PPP6R1: variants seen among roughly 807,000 people sequenced by gnomAD.
PPP6R1 encodes the protein protein phosphatase 6 regulatory subunit 1.
In PPP6R1, 39 loss-of-function variants were observed where a neutral mutation model predicts 104.6. The ratio of observed to expected loss-of-function variants is 0.37; its 90% CI spans 0.29 to 0.49. PPP6R1 has a LOEUF of 0.49. PPP6R1 is among the 20% of genes least tolerant of loss of function. The probability of loss-of-function intolerance (pLI) is 0.98; values close to 1 mark genes in which losing one functional copy is unlikely to be tolerated. For missense variants in PPP6R1, 1,181 were observed against 1,155.8 expected (o/e 1.02, Z -0.32); for synonymous variants, 549 against 479.0 (o/e 1.15, Z -1.91).
intron 1 of PPP6R1, among the ~76,000 whole-genome samples, chr19:55,250,547 G>A (rs1255321262): frequency 6.6e-6 from 1 of 152,152 alleles, no homozygotes; most frequent in African/African-American, 2.4e-5. Context: ...CACCCTGAAG[G>A]GACCTGTCTG....
At chr19:55,232,381 G>C in intron 17 of PPP6R1, 170 bp from the exon 18 acceptor site, 1 of 1,054,804 alleles carries the variant, frequency 9.5e-7, no homozygotes, top group Non-Finnish European at 1.3e-6. Context: ...GGCTGGGAGA[G>C]GGAGTTCTGA....
intron 1 of PPP6R1, among the ~76,000 whole-genome samples, chr19:55,251,116 G>A (rs2087550146): frequency 6.6e-6 from 1 of 152,186 alleles, no homozygotes; most frequent in Admixed American, 6.5e-5. Flanking sequence ...CCTGGCTCAA[G>A]CAGCCCCCAG....
At chr19:55,235,813 C>T (rs192251394) in intron 17 of PPP6R1, among the ~76,000 whole-genome samples, 4 of 151,070 alleles carry the variant, frequency 2.6e-5, no homozygotes, top group Admixed American at 1.3e-4. Flanking sequence ...CCACCGTGCC[C>T]GGCTGATTTT....
intron 1 of PPP6R1, among the ~76,000 whole-genome samples, chr19:55,256,648 C>A (rs2087595664): frequency 6.6e-6 from 1 of 152,202 alleles, no homozygotes; most frequent in Non-Finnish European, 1.5e-5. Context: ...CAGAGCAAGA[C>A]CCAGTCTTTA....
At chr19:55,228,324 C>G, downstream of PPP6R1, 1 of 1,613,836 alleles carries the variant, frequency 6.2e-7, no homozygotes, top group Non-Finnish European at 8.5e-7. Context: ...AGAGGACGGG[C>G]AGGCACTTGA....
At chr19:55,239,244 GAC>G in intron 15 of PPP6R1, 159 bp downstream of exon 15, 2 of 662,798 alleles carry the variant, frequency 3.0e-6, no homozygotes, top group Non-Finnish European at 5.3e-6. Flanking sequence ...CGAGGCTGCA[GAC>G]ACACACACAA....
In PPP6R1 at chr19:55,240,059, C is replaced by A; in HGVS notation, c.1417G>T (p.Ala473Ser). 6.2e-7 allele frequency: 1 copy of A among 1,602,746 alleles called. No homozygotes were observed. The change falls in exon 12 of 24, where the codon GCC (alanine) becomes TCC (serine). Residue 473 changes from alanine (A) to serine (S), a missense_variant. Ala to Ser is a moderately conservative substitution (Grantham distance 99, BLOSUM62 1). Transcript: ENST00000412770. ...CCCTTCTCCGTGTTCTGCACCAGGG[C>A]ACCGGCCACTCTTGTCAGGTGACCC... is the stretch of plus-strand genomic sequence containing the variant. ...YMGHLTRVAG[A>S]LVQNTEKGPN...
intron 23 of PPP6R1, 28 bp downstream of exon 23, chr19:55,230,585 C>A: frequency 1.2e-6 from 2 of 1,613,062 alleles, no homozygotes; most frequent in Non-Finnish European, 1.7e-6. Context: ...GCCCCACCTA[C>A]CCAGCCCGAG....
intron 15 of PPP6R1, among the ~76,000 whole-genome samples, chr19:55,237,241 C>A (rs1312697388): frequency 6.6e-6 from 1 of 152,078 alleles, no homozygotes; most frequent in East Asian, 1.9e-4. Context: ...AAATGGGGCT[C>A]GGAAATGTTA....
In PPP6R1 at chr19:55,241,946, T is replaced by G. The variant is rs1012694690; in HGVS notation, c.845+220A>C. ...GCCTGGGGTCCCTCCCAACACAAGC[T>G]GCAGCAGTGGCCTCAGCCTCAGTGC... On this transcript the variant is annotated intron_variant, in intron 7 of 23. Coordinates refer to ENST00000412770, the MANE Select transcript of PPP6R1 (RefSeq NM_014931.4). The surrounding 1 kb of genome is among the most constrained non-coding windows in gnomAD (Gnocchi z 5.4). Among the ~76,000 whole-genome samples, 1 of 152,008 alleles carries G rather than the reference T, an allele frequency of 6.6e-6. No individual in the cohort carries two copies. Among genetic ancestry groups the G allele is most frequent in the Non-Finnish European group, 1.5e-5 (1 of 67,972 alleles).
chr19:55,232,043 T>A lies in PPP6R1; in HGVS notation c.2125+32A>T, dbSNP rs560439745. The stretch of plus-strand genomic sequence containing the variant: ...ACTCAGTAGCAGGCAGACAGCCCTG[T>A]GTACACCTGACCACACCGCCCATTC... On this transcript the variant is annotated intron_variant, in intron 18 of 23. Transcript: ENST00000412770. 1.6e-5 allele frequency: 25 copies of A among 1,611,890 alleles called. No homozygotes were observed. In the South Asian group the frequency reaches 2.8e-4, roughly 18 times the overall value.
At chr19:55,250,845 G>C (rs1186521527) in intron 1 of PPP6R1, among the ~76,000 whole-genome samples, 1 of 151,574 alleles carries the variant, frequency 6.6e-6, no homozygotes, top group Non-Finnish European at 1.5e-5. Flanking sequence ...ACACTCGACC[G>C]CAGGCGACCC....
chr19:55,230,637 T>C lies in PPP6R1; in HGVS notation c.2618A>G (p.Glu873Gly), dbSNP rs2087332913. ...PPPIPNGSAP[E>G]GPASPGSQ ...CTGGGAGCCTGGGGATGCAGGCCCTTCCGGGGCAGAGCCATTGGGTATCGG... is the reference window on the plus strand; with the variant it reads ...CTGGGAGCCTGGGGATGCAGGCCCTCCCGGGGCAGAGCCATTGGGTATCGG... The change falls in exon 23 of 24, where the codon GAA (glutamate) becomes GGA (glycine). Residue 873 changes from glutamate to glycine, a missense_variant. Glu to Gly is a moderately conservative substitution (Grantham distance 98, BLOSUM62 -2). Around this residue, in one of 2 missense-constraint regions of PPP6R1, gnomAD observed 1,042 missense variants for 955.6 expected, o/e 1.09. Transcript: ENST00000412770. The C allele has an allele frequency of 6.2e-7, 1 of 1,610,978 alleles. No individual in the cohort carries two copies. Among genetic ancestry groups the C allele is most frequent in the Non-Finnish European group, 8.5e-7 (1 of 1,178,662 alleles).
intron 5 of PPP6R1, among the ~76,000 whole-genome samples, chr19:55,244,534 G>A (rs1352334611): frequency 6.6e-6 from 1 of 152,206 alleles, no homozygotes; most frequent in African/African-American, 2.4e-5. Context: ...GGGTGGGCAG[G>A]GACGGATGTG....
At position 55,239,505 on chromosome 19, in the gene PPP6R1, G is replaced by A. The variant is rs557426498; in HGVS notation, c.1654-3C>T. ...TGCATCTGGAAGTCCATGAAGGCCTGTGGGGGTGCGGAGGTTAGGGCTGGA... is the reference window on the plus strand; with the variant it reads ...TGCATCTGGAAGTCCATGAAGGCCTATGGGGGTGCGGAGGTTAGGGCTGGA... On this transcript the variant is annotated splice_region_variant and splice_polypyrimidine_tract_variant and intron_variant, in intron 14 of 23. Transcript: ENST00000412770. 4.3e-6 allele frequency: 7 copies of A among 1,613,888 alleles called. No individual in the cohort carries two copies. Among genetic ancestry groups the A allele is most frequent in the Admixed American group, 3.3e-5 (2 of 60,008 alleles).
At chr19:55,248,576 C>T (rs1465376069) in intron 1 of PPP6R1, among the ~76,000 whole-genome samples, 1 of 152,224 alleles carries the variant, frequency 6.6e-6, no homozygotes, top group African/African-American at 2.4e-5. Flanking sequence ...AGATGCTAGT[C>T]CCTCTCCTCC....
Position 55,241,751 on chromosome 19 carries a change from T to A in PPP6R1, c.846-112A>T, listed in dbSNP as rs2087460103. ...GTCTGGAGGAAAACGAGGAGCCACA[T>A]GCCCCCAGCGCCGCTCTCTTCTGAG... On this transcript the variant is annotated intron_variant, in intron 7 of 23. Coordinates refer to ENST00000412770, the MANE Select transcript of PPP6R1 (RefSeq NM_014931.4). This position sits in a 1 kb window ranked among gnomAD's most constrained non-coding sequence, Gnocchi z 5.4. 1.6e-6 allele frequency: 2 copies of A among 1,288,222 alleles called. No individual in the cohort carries two copies. Among genetic ancestry groups the A allele is most frequent in the Non-Finnish European group, 1.0e-6 (1 of 953,508 alleles). 79.8% of individuals were successfully genotyped at this position (1,288,222 alleles called of 1,614,324 possible).
In PPP6R1 at chr19:55,242,240, C is replaced by G. The variant is rs139686170; in HGVS notation, c.771G>C (p.Glu257Asp). 2 of 1,613,980 alleles carry G rather than the reference C, an allele frequency of 1.2e-6. No individual in the cohort carries two copies. The highest frequency in any genetic ancestry group is 2.2e-5 in the East Asian group (1 of 44,874). The part of the protein sequence containing the change: ...TIEQLLSNMF[E>D]GEQSQSVIVS... ...CGATGACAGACTGGCTCTGCTCCCCCTCGAACATGTTGCTTAAGAGCTGCT... is the reference window on the plus strand; with the variant it reads ...CGATGACAGACTGGCTCTGCTCCCCGTCGAACATGTTGCTTAAGAGCTGCT... Residue 257 changes from glutamate (E) to aspartate (D), a missense_variant, in exon 7 of 24, where the codon GAG (glutamate) becomes GAC (aspartate). By Grantham distance (45) the Glu-to-Asp change is conservative. Coordinates refer to ENST00000412770, the MANE Select transcript of PPP6R1 (RefSeq NM_014931.4).
At chr19:55,252,063 G>C (rs996498116) in intron 1 of PPP6R1, among the ~76,000 whole-genome samples, 1 of 152,128 alleles carries the variant, frequency 6.6e-6, no homozygotes, top group African/African-American at 2.4e-5. Flanking sequence ...ATCCAGAACA[G>C]GCAAATCCAT....
Sources: allele counts gnomAD v4.1 joint callset (sites outside exome capture counted in the v4.1 genomes callset), GRCh38; gene constraint gnomAD v4.1.1; regional missense constraint gnomAD v4.1.1; non-coding constraint Gnocchi (gnomAD v3.1); transcripts MANE v1.5; gene names NCBI Gene and HGNC (gene_info 2026-07-23, HGNC 2026-07-21).